TRAK1: variants seen among roughly 807,000 people sequenced by gnomAD.
The protein encoded by TRAK1 is trafficking kinesin-binding protein 1.
In TRAK1, 33 loss-of-function variants were observed where a neutral mutation model predicts 92.1. That is an observed-to-expected ratio of 0.36 (90% CI 0.27 to 0.48). The LOEUF (loss-of-function observed/expected upper bound fraction) is 0.48. TRAK1 is among the 20% of genes least tolerant of loss of function. The probability of loss-of-function intolerance (pLI) is 0.99; values close to 1 mark genes in which losing one functional copy is unlikely to be tolerated. For synonymous variants in TRAK1, 521 were observed against 517.3 expected (o/e 1.01, Z -0.10); for missense variants, 1,123 against 1,257.9 (o/e 0.89, Z 1.62).
intron 1 of TRAK1, among the ~76,000 whole-genome samples, chr3:42,063,886 C>A (rs970035963): frequency 6.6e-6 from 1 of 152,092 alleles, no homozygotes; most frequent in Non-Finnish European, 1.5e-5. Flanking sequence ...CAATAGTTTG[C>A]GGTAGAAGTG....
At chr3:42,143,096 G>C (rs947542754) in intron 2 of TRAK1, among the ~76,000 whole-genome samples, 1 of 152,316 alleles carries the variant, frequency 6.6e-6, no homozygotes, top group Admixed American at 6.5e-5. Flanking sequence ...TGATGGATTG[G>C]AGGGCTGTCC....
At chr3:42,195,263 A>G (rs1335338148) in intron 10 of TRAK1, among the ~76,000 whole-genome samples, 2 of 152,246 alleles carry the variant, frequency 1.3e-5, no homozygotes, top group African/African-American at 4.8e-5. Context: ...TCTCTAATCC[A>G]GAATGCTTCA....
intron 1 of TRAK1, among the ~76,000 whole-genome samples, chr3:42,039,054 C>G (rs370947404): frequency 6.6e-6 from 1 of 152,022 alleles, no homozygotes; most frequent in Non-Finnish European, 1.5e-5. Context: ...AAAACATAAT[C>G]CCATTCTCAT....
intron 4 of TRAK1, among the ~76,000 whole-genome samples, chr3:42,185,973 CTTTTTTTTTTTT>C (rs1054954407): frequency 1.2e-5 from 1 of 83,964 alleles, no homozygotes; most frequent in Non-Finnish European, 2.2e-5. Context: ...TGTGCCCAGC[CTTTTTTTTTTTT>C]TTTTTTTTTT....
chr3:42,064,182 C>T (rs1022871878), intron 1 of TRAK1, among the ~76,000 whole-genome samples: 37 of 152,178 alleles, frequency 2.4e-4, no homozygotes, highest in Admixed American at 2.2e-3. Flanking sequence ...TGCTCGCAGC[C>T]AGGCGGGCGC....
intron 2 of TRAK1, among the ~76,000 whole-genome samples, chr3:42,172,431 C>G (rs1559871433): frequency 6.6e-6 from 1 of 152,220 alleles, no homozygotes; most frequent in Non-Finnish European, 1.5e-5. Flanking sequence ...AGGATAAGAG[C>G]CCACTCCTTG....
intron 1 of TRAK1, among the ~76,000 whole-genome samples, chr3:42,024,390 G>T (rs574815264): frequency 6.6e-6 from 1 of 152,332 alleles, no homozygotes; most frequent in East Asian, 1.9e-4. Flanking sequence ...TTGTTTTTCA[G>T]AAGAGATGCT....
At chr3:42,024,013 C>G (rs531788625) in intron 1 of TRAK1, among the ~76,000 whole-genome samples, 113 of 152,202 alleles carry the variant, frequency 7.4e-4, no homozygotes, top group African/African-American at 2.6e-3. Flanking sequence ...CCTTGGCCCC[C>G]CAAAGTGCTG....
At chr3:42,189,820 C>T (rs774429302) in intron 6 of TRAK1, among the ~76,000 whole-genome samples, 5 of 152,164 alleles carry the variant, frequency 3.3e-5, no homozygotes, top group African/African-American at 7.2e-5. Flanking sequence ...CGTGAGCCAC[C>T]GTGCCTGGCA....
intron 9 of TRAK1, 91 bp from the exon 10 acceptor site, chr3:42,194,713 T>A: frequency 6.7e-7 from 1 of 1,490,046 alleles, no homozygotes; most frequent in Admixed American, 2.0e-5. Context: ...GACTCTTAGA[T>A]TGCTGTGTCT....
At chr3:42,079,015 C>T (rs930426675) in intron 1 of TRAK1, among the ~76,000 whole-genome samples, 3 of 152,124 alleles carry the variant, frequency 2.0e-5, no homozygotes, top group African/African-American at 4.8e-5. Context: ...TGAATTAGAC[C>T]GGCAACCTGA....
Position 42,224,439 on chromosome 3 carries a change from A to G in TRAK1, c.*702A>G. ...CTGACCCGAAAGAGAATGTATTTAC[A>G]CTCATGCTGCGTTGTTCAGCAGCCC... On this transcript the variant is annotated 3_prime_UTR_variant, in exon 16 of 16. Transcript: ENST00000327628. The G allele has an allele frequency of 2.6e-5, 6 of 228,068 alleles. No homozygotes were observed. The highest frequency in any genetic ancestry group is 2.6e-4 in the South Asian group (5 of 19,056). The allele number at this position is 228,068 out of a possible 1,614,324, so 14.1% of individuals were successfully genotyped here.
chr3:42,210,965 T>G (rs1051747610), intron 14 of TRAK1: 58 of 985,298 alleles, frequency 5.9e-5, no homozygotes, highest in Non-Finnish European at 2.7e-5. Flanking sequence ...ATCACATGGT[T>G]ACTGTTTACC....
chr3:42,032,642 ATCTT>A, intron 1 of TRAK1, among the ~76,000 whole-genome samples: 1 of 152,348 alleles, frequency 6.6e-6, no homozygotes, highest in Non-Finnish European at 1.5e-5. Flanking sequence ...CTATTGTCAT[ATCTT>A]TTATTTCCTC....
intron 1 of TRAK1, among the ~76,000 whole-genome samples, chr3:42,117,320 C>T (rs1224392823): frequency 6.6e-6 from 1 of 151,310 alleles, no homozygotes; most frequent in African/African-American, 2.4e-5. Context: ...TCTCCAAACT[C>T]TTGAAACTGT....
chr3:42,030,689 A>AATAT lies in TRAK1; in HGVS notation c.-519+16621_-519+16624dup, dbSNP rs57651073. On this transcript the variant is annotated intron_variant, in intron 1 of 16. Transcript: ENST00000487159. ...CTCCATCTCAAAAAAAAAAAAAAAG[A>AATAT]ATATATATATATATATATATATATA... Among the ~76,000 whole-genome samples the AATAT allele has an allele frequency of 7.4e-4, 72 of 97,634 alleles. 1 individual carries two copies. The highest frequency in any genetic ancestry group is 3.9e-3 in the African/African-American group (71 of 18,060). The allele number at this position is 97,634 out of a possible 152,430, so 64.1% of individuals were successfully genotyped here.
intron 1 of TRAK1, among the ~76,000 whole-genome samples, chr3:42,025,519 C>T (rs926571268): frequency 6.6e-6 from 1 of 152,048 alleles, no homozygotes. Context: ...ATTTGCCTTT[C>T]ATGTTAAGAA....
chr3:42,029,123 C>T (rs774531561), intron 1 of TRAK1, among the ~76,000 whole-genome samples: 26 of 152,128 alleles, frequency 1.7e-4, no homozygotes, highest in Non-Finnish European at 2.8e-4. Context: ...CACTTTTAAA[C>T]AGTACCAAGG....
At chr3:42,072,287 A>T (rs1194581238) in intron 1 of TRAK1, among the ~76,000 whole-genome samples, 2 of 150,214 alleles carry the variant, frequency 1.3e-5, no homozygotes, top group African/African-American at 4.9e-5. Context: ...TGAATGTCTG[A>T]CTCAGCTTTT....
Sources: gnomAD v4.1 joint callset for allele counts (sites outside exome capture counted in the v4.1 genomes callset) on GRCh38, gnomAD v4.1.1 for gene constraint, MANE v1.5 for transcripts, NCBI Gene and HGNC (gene_info 2026-07-23, HGNC 2026-07-21) for gene names.